Variants in SMARCA4 observed in about 807,000 individuals in gnomAD.
SMARCA4 encodes SWI/SNF related BAF chromatin remodeling complex subunit ATPase 4.
In SMARCA4, 31 loss-of-function variants were observed where a neutral mutation model predicts 193.9. The ratio of observed to expected loss-of-function variants is 0.16; its 90% confidence interval spans 0.12 to 0.22. The LOEUF (loss-of-function observed/expected upper bound fraction) is 0.22. Ranked by LOEUF, SMARCA4 falls within the 10% of genes least tolerant of loss-of-function variation. The pLI, the probability that SMARCA4 is intolerant of heterozygous loss-of-function variation, is 1.00. For missense variants in SMARCA4, 1,148 were observed against 2,296.0 expected, an observed-to-expected ratio of 0.50 and a Z score of 10.22; for synonymous variants, 942 against 933.1, an observed-to-expected ratio of 1.01 and a Z score of -0.17.
chr19:11,051,112 C>T (rs947518253), intron 30 of SMARCA4, among the ~76,000 whole-genome samples: 4 of 152,208 alleles, frequency 2.6e-5, no homozygotes, highest in Non-Finnish European at 4.4e-5. Context: ...CCTGTGGAGC[C>T]GTGCTGGGGT....
rs916632140 is a variant in SMARCA4 at position 10,994,974 on chromosome 19, C to A, written c.1566C>A (p.Ile522=). The A allele has an allele frequency of 6.2e-7, 1 of 1,613,574 alleles. No homozygotes were observed. Among genetic ancestry groups the A allele is most frequent in the Non-Finnish European group, 8.5e-7 (1 of 1,179,714 alleles). ...AGCAGAAGAAAGAGAACGAGCGGAT[C>A]GAGAAGGAGCGCATGCGGAGGCTCA... is the stretch of plus-strand genomic sequence containing the variant. The part of the protein sequence containing the change: ...EREQKKENER[I]EKERMRRLMA... Residue 522 remains isoleucine, a synonymous_variant, in exon 9 of 35, where the codon ATC becomes ATA. Coordinates refer to ENST00000344626, the MANE Select transcript of SMARCA4 (RefSeq NM_003072.5).
chr19:11,000,992 T>C (rs2087580749), intron 11 of SMARCA4, among the ~76,000 whole-genome samples: 1 of 152,056 alleles, frequency 6.6e-6, no homozygotes, highest in Non-Finnish European at 1.5e-5. Flanking sequence ...GTGGGTTTTC[T>C]TGTTCTCGGA....
At chr19:11,029,927 C>T (rs1302451095) in intron 24 of SMARCA4, among the ~76,000 whole-genome samples, 1 of 152,176 alleles carries the variant, frequency 6.6e-6, no homozygotes, top group African/African-American at 2.4e-5. Flanking sequence ...CCACCCACCT[C>T]AGCCTCCCAA....
At chr19:10,982,061 A>G (rs938354838) in intron 1 of SMARCA4, among the ~76,000 whole-genome samples, 1 of 151,892 alleles carries the variant, frequency 6.6e-6, no homozygotes, top group African/African-American at 2.4e-5. Context: ...ATTTTTGGCC[A>G]GGAACGGTGG....
intron 1 of SMARCA4, among the ~76,000 whole-genome samples, chr19:10,974,689 A>ATTTTTTTTTTTTTTT (rs74182450): frequency 2.7e-5 from 1 of 37,170 alleles, no homozygotes. Context: ...ATATATATAT[A>ATTTTTTTTTTTTTTT]TTTTTTTTTT....
At position 10,998,048 on chromosome 19, in the gene SMARCA4, C is replaced by T. The variant is rs926199463; in HGVS notation, c.1812+1504C>T. Among the ~76,000 whole-genome samples, 6 of 151,954 alleles carry T rather than the reference C, an allele frequency of 3.9e-5. No individual in the cohort carries two copies. In the South Asian group the frequency reaches 8.3e-4, roughly 21 times the overall value. On this transcript the variant is annotated intron_variant, in intron 11 of 34. Transcript: ENST00000344626. ...AGTCAGCTTTAGTCTTAAAGAGCTC[C>T]TTGTGTGTGTGTTTGTTTTTTTGCA...
At position 11,031,008 on chromosome 19, in the gene SMARCA4, A is replaced by G. The variant is rs924185728; in HGVS notation, c.3546+115A>G. 1.1e-6 allele frequency: 1 copy of G among 919,258 alleles called. No individual in the cohort carries two copies. The allele number at this position is 919,258 out of a possible 1,614,324, so 56.9% of individuals were successfully genotyped here. ...CCTCCTCCACATTGTCTTGGACCCC[A>G]GGAGCCGGGAGGAGCTGCACCCATA... is the stretch of plus-strand genomic sequence containing the variant. On this transcript the variant is annotated intron_variant, in intron 25 of 34. Coordinates refer to ENST00000344626, the MANE Select transcript of SMARCA4 (RefSeq NM_003072.5). This position sits in a 1 kb window ranked among gnomAD's most constrained non-coding sequence, Gnocchi z 4.3.
At chr19:11,028,614 A>G (rs967367302) in intron 24 of SMARCA4, among the ~76,000 whole-genome samples, 1 of 152,198 alleles carries the variant, frequency 6.6e-6, no homozygotes, top group African/African-American at 2.4e-5. Context: ...TGCCGTAGAG[A>G]GGCTCTCAGC....
chr19:10,994,727 G>C, intron 8 of SMARCA4, 101 bp from the exon 9 acceptor site: 1 of 1,040,742 alleles, frequency 9.6e-7, no homozygotes, highest in Non-Finnish European at 1.5e-6. Context: ...CCAAAGCGCT[G>C]GGATTACAGG....
At chr19:10,977,312 GT>G (rs987660069) in intron 1 of SMARCA4, among the ~76,000 whole-genome samples, 1 of 151,206 alleles carries the variant, frequency 6.6e-6, no homozygotes, top group Admixed American at 6.6e-5. Context: ...ACGGACTCGA[GT>G]TTTTTTTTGT....
At position 11,019,507 on chromosome 19, in the gene SMARCA4, C is replaced by A; in HGVS notation, c.2506-84C>A. 1 of 806,910 alleles carries A rather than the reference C, an allele frequency of 1.2e-6. No individual in the cohort carries two copies. Among genetic ancestry groups the A allele is most frequent in the Non-Finnish European group, 2.1e-6 (1 of 471,980 alleles). The allele number at this position is 806,910 out of a possible 1,614,324, so 50.0% of individuals were successfully genotyped here. A position where few individuals can be genotyped will look rare whatever the true frequency, so the allele number is the denominator to read the frequency against. ...CGAGCCCTCCCGCCGTGTCACTGGG[C>A]AGTTGCAGGGGGTGCCTGTGCCCCT... On this transcript the variant is annotated intron_variant, in intron 17 of 34. Transcript: ENST00000344626. This position sits in a 1 kb window ranked among gnomAD's most constrained non-coding sequence, Gnocchi z 6.1.
Position 11,033,341 on chromosome 19 carries a change from C to T in SMARCA4, c.3598C>T (p.Arg1200Cys), listed in dbSNP as rs1600389401. ...CCGCATCGGGCAGCAGAACGAGGTGCGTGTGCTCCGCCTCTGCACCGTCAA... is the reference window on the plus strand; with the variant it reads ...CCGCATCGGGCAGCAGAACGAGGTGTGTGTGCTCCGCCTCTGCACCGTCAA... ...AHRIGQQNEV[R>C]VLRLCTVNSV... The change falls in exon 26 of 35, where the codon CGT (arginine) becomes TGT (cysteine). Residue 1200 changes from arginine (R) to cysteine (C), a missense_variant. Physicochemically the swap from Arg to Cys is radical, Grantham distance 180 (BLOSUM62 -3). Coordinates refer to ENST00000344626, the MANE Select transcript of SMARCA4 (RefSeq NM_003072.5). The surrounding 1 kb of genome is among the most constrained non-coding windows in gnomAD (Gnocchi z 9.8). 1.9e-6 allele frequency: 3 copies of T among 1,613,054 alleles called. No homozygotes were observed. Among genetic ancestry groups the T allele is most frequent in the African/African-American group, 1.3e-5 (1 of 74,942 alleles).
rs761943017 is a variant in SMARCA4, at chr19:11,061,836, G to A, written c.*20G>A. ...GACTGAGCCCCGACATTCCAGTCTC[G>A]ACCCCGAGCCCCTCGTTCCAGAGCT... On this transcript the variant is annotated 3_prime_UTR_variant, in exon 35 of 35. Transcript: ENST00000344626. 15 of 1,613,152 alleles carry A rather than the reference G, an allele frequency of 9.3e-6. No individual in the cohort carries two copies. Among genetic ancestry groups the A allele is most frequent in the Middle Eastern group, 1.6e-4 (1 of 6,084 alleles).
In SMARCA4 at chr19:11,019,100, T is replaced by A. The variant is rs1359853974; in HGVS notation, c.2505+77T>A. The A allele has an allele frequency of 3.7e-6, 4 of 1,083,380 alleles. No individual in the cohort carries two copies. In the Admixed American group the frequency reaches 6.8e-5, roughly 18 times the overall value. 67.1% of individuals were successfully genotyped at this position (1,083,380 alleles called of 1,614,324 possible). A position where few individuals can be genotyped will look rare whatever the true frequency, so the allele number is the denominator to read the frequency against. ...GGTGGGCAGGACGTCCACACATACCTCTGGACAGTGAACCTGAGAATGCTG... is the reference window on the plus strand; with the variant it reads ...GGTGGGCAGGACGTCCACACATACCACTGGACAGTGAACCTGAGAATGCTG... On this transcript the variant is annotated intron_variant, in intron 17 of 34. Coordinates refer to ENST00000344626, the MANE Select transcript of SMARCA4 (RefSeq NM_003072.5). The surrounding 1 kb of genome is among the most constrained non-coding windows in gnomAD (Gnocchi z 6.1).
chr19:10,968,499 GT>G (rs1020091792), intron 1 of SMARCA4, among the ~76,000 whole-genome samples: 10 of 149,502 alleles, frequency 6.7e-5, no homozygotes, highest in African/African-American at 2.0e-4. Flanking sequence ...TTGAGGAGGT[GT>G]TTTTTTTTTC....
chr19:11,002,964 G>T (rs2146091166), intron 11 of SMARCA4, 65 bp from the exon 12 acceptor site: 2 of 1,598,252 alleles, frequency 1.3e-6, no homozygotes, highest in Non-Finnish European at 1.7e-6. Context: ...TCCCACCTTG[G>T]CCTCTGTAAG....
chr19:11,003,457 CT>C, intron 13 of SMARCA4, 60 bp downstream of exon 13: 1 of 1,461,030 alleles, frequency 6.8e-7, no homozygotes, highest in South Asian at 1.1e-5. Flanking sequence ...GACTTCCACC[CT>C]GTGTGTTGTG....
intron 16 of SMARCA4, among the ~76,000 whole-genome samples, chr19:11,013,798 C>T (rs1056353242): frequency 1.3e-5 from 2 of 152,274 alleles, no homozygotes; most frequent in South Asian, 2.1e-4. Context: ...CCAGAGCCCT[C>T]GGGCACATCC....
intron 11 of SMARCA4, among the ~76,000 whole-genome samples, chr19:11,001,204 T>C (rs1377571225): frequency 6.6e-6 from 1 of 152,050 alleles, no homozygotes; most frequent in African/African-American, 2.4e-5. Flanking sequence ...CATGAAGGCA[T>C]GTGCCTGTTG....
Sources: allele counts gnomAD v4.1 joint callset (sites outside exome capture counted in the v4.1 genomes callset), GRCh38; gene constraint gnomAD v4.1.1; non-coding constraint Gnocchi (gnomAD v3.1); transcripts MANE v1.5; gene names NCBI Gene and HGNC (gene_info 2026-07-23, HGNC 2026-07-21).